SHANK1: variants seen among roughly 807,000 people sequenced by gnomAD.
SHANK1 encodes SH3 and multiple ankyrin repeat domains protein 1.
In SHANK1, 35 loss-of-function variants were observed where a neutral mutation model predicts 165.6. That is an observed-to-expected ratio of 0.21 (90% CI 0.16 to 0.28). SHANK1 has a LOEUF of 0.28. Among genes scored for constraint, SHANK1 ranks in the 10% least tolerant of loss-of-function variants. SHANK1 has a pLI of 1.00. For synonymous variants in SHANK1, 1,428 were observed against 1,384.8 expected, an observed-to-expected ratio of 1.03 and a Z score of -0.69; for missense variants, 2,681 against 3,036.4, an observed-to-expected ratio of 0.88 and a Z score of 2.75.
At chr19:50,687,444 G>C (rs1011227648) in intron 19 of SHANK1, 138 bp downstream of exon 19, 5 of 643,150 alleles carry the variant, frequency 7.8e-6, no homozygotes, top group Non-Finnish European at 1.3e-5. Context: ...ACACAGGCCA[G>C]AGTCCGACCC....
In SHANK1 at chr19:50,713,433, C is replaced by G. The variant is rs1005415381; in HGVS notation, c.792+365G>C. 2.0e-5 allele frequency among the ~76,000 whole-genome samples: 3 copies of G among 151,118 alleles called. No individual in the cohort carries two copies. Among genetic ancestry groups the G allele is most frequent in the Non-Finnish European group, 2.9e-5 (2 of 67,814 alleles). On this transcript the variant is annotated intron_variant, in intron 6 of 23. Transcript: ENST00000293441. This position sits in a 1 kb window ranked among gnomAD's most constrained non-coding sequence, Gnocchi z 6.2. ...TTTTCAGGGTGTGTGTGGAGGGGCT[C>G]TATCTGGGGGCATAGCAGGGAGCTC...
chr19:50,667,490 C>A lies in SHANK1; in HGVS notation c.4470G>T (p.Leu1490=). ...AAPEEPERLP[L]HVRFLENCQP... is the part of the protein sequence containing the mutation. ...GGCAGTTTTCAAGGAACCGCACGTG[C>A]AGCGGCAGCCGCTCGGGTTCTTCGG... The change falls in exon 23 of 24, where the codon CTG becomes CTT. Residue 1490 remains leucine, a synonymous_variant. Coordinates refer to ENST00000293441, the MANE Select transcript of SHANK1 (RefSeq NM_016148.5). The surrounding 1 kb of genome is among the most constrained non-coding windows in gnomAD (Gnocchi z 5.7). 6.5e-7 allele frequency: 1 copy of A among 1,527,542 alleles called. No homozygotes were observed. The highest frequency in any genetic ancestry group is 1.2e-5 in the South Asian group (1 of 81,646). The allele number at this position is 1,527,542 out of a possible 1,614,324, so 94.6% of individuals were successfully genotyped here.
At chr19:50,681,860 C>T (rs1258587630) in intron 21 of SHANK1, among the ~76,000 whole-genome samples, 1 of 152,144 alleles carries the variant, frequency 6.6e-6, no homozygotes, top group Admixed American at 6.5e-5. Flanking sequence ...CAGCTTTGAC[C>T]TCCCTTGCTC....
Position 50,662,796 on chromosome 19 carries a change from A to G in SHANK1, c.5769-114T>C. On this transcript the variant is annotated intron_variant, in intron 23 of 23. Transcript: ENST00000293441. This position sits in a 1 kb window ranked among gnomAD's most constrained non-coding sequence, Gnocchi z 7.7. ...GAGAGAGGAGGAGAGACATAAGGGT[A>G]GGGGGAGAGACGGAGGAGAGACGGG... 2.0e-6 allele frequency: 2 copies of G among 1,021,544 alleles called. No homozygotes were observed. The highest frequency in any genetic ancestry group is 2.9e-6 in the Non-Finnish European group (2 of 696,294). 63.3% of individuals were successfully genotyped at this position (1,021,544 alleles called of 1,614,324 possible).
Position 50,662,791 on chromosome 19 carries a change from A to C in SHANK1, c.5769-109T>G. 2.1e-5 allele frequency: 23 copies of C among 1,076,066 alleles called. No homozygotes were observed. Among genetic ancestry groups the C allele is most frequent in the Non-Finnish European group, 2.8e-5 (21 of 742,948 alleles). 66.7% of individuals were successfully genotyped at this position (1,076,066 alleles called of 1,614,324 possible). A position where few individuals can be genotyped will look rare whatever the true frequency, so the allele number is the denominator to read the frequency against. On this transcript the variant is annotated intron_variant, in intron 23 of 23. Coordinates refer to ENST00000293441, the MANE Select transcript of SHANK1 (RefSeq NM_016148.5). The surrounding 1 kb of genome is among the most constrained non-coding windows in gnomAD (Gnocchi z 7.7). The stretch of plus-strand genomic sequence containing the variant: ...ATAGGGAGAGAGGAGGAGAGACATA[A>C]GGGTAGGGGGAGAGACGGAGGAGAG...
intron 22 of SHANK1, 22 bp from the exon 23 acceptor site, chr19:50,669,307 A>AGGAGGGGG: frequency 6.4e-7 from 1 of 1,562,860 alleles, no homozygotes; most frequent in Non-Finnish European, 8.8e-7. Flanking sequence ...CAGAGGCTCA[A>AGGAGGGGG]GGAGGGGGAC....
At chr19:50,693,017 C>G (rs1986592518) in intron 15 of SHANK1, among the ~76,000 whole-genome samples, 1 of 151,714 alleles carries the variant, frequency 6.6e-6, no homozygotes, top group South Asian at 2.1e-4. Flanking sequence ...AGTAATCTCA[C>G]TGGCTCCCCT....
chr19:50,666,060 GC>G, intron 23 of SHANK1, 131 bp downstream of exon 23: 1 of 750,550 alleles, frequency 1.3e-6, no homozygotes, highest in Non-Finnish European at 2.0e-6. Context: ...ATTTGTGAAA[GC>G]ATGCTTCTGT....
chr19:50,704,033 C>T (rs985837048), intron 10 of SHANK1, 87 bp downstream of exon 10: 6 of 1,394,652 alleles, frequency 4.3e-6, no homozygotes, highest in Non-Finnish European at 6.1e-6. Context: ...TCCTGGCCCC[C>T]AAGTCAGGTC....
In SHANK1 at chr19:50,705,605, C is replaced by G. The variant is rs1018349461; in HGVS notation, c.1078-1091G>C. ...CCTGTGGGATGTTGAGTAGCATCCC[C>G]GGTCTCTACCACTAGATGCCAGTAG... is the stretch of plus-strand genomic sequence containing the variant. On this transcript the variant is annotated intron_variant, in intron 8 of 23. Coordinates refer to ENST00000293441, the MANE Select transcript of SHANK1 (RefSeq NM_016148.5). Among the ~76,000 whole-genome samples, 7 of 152,132 alleles carry G rather than the reference C, an allele frequency of 4.6e-5. No individual in the cohort carries two copies. In the South Asian group the frequency reaches 6.2e-4, roughly 14 times the overall value.
chr19:50,676,760 C>T (rs1385610394), intron 21 of SHANK1, among the ~76,000 whole-genome samples: 2 of 152,108 alleles, frequency 1.3e-5, no homozygotes, highest in Non-Finnish European at 2.9e-5. Context: ...AAGAAAATGC[C>T]AATCTTATTT....
intron 9 of SHANK1, 104 bp from the exon 10 acceptor site, chr19:50,704,290 G>GACAATGCCGCC: frequency 8.9e-6 from 12 of 1,341,538 alleles, no homozygotes; most frequent in Non-Finnish European, 1.3e-5. Context: ...CTTCCACTCC[G>GACAATGCCGCC]ACAATGCCGC....
chr19:50,678,429 G>A (rs974159907), intron 21 of SHANK1, among the ~76,000 whole-genome samples: 2 of 151,852 alleles, frequency 1.3e-5, no homozygotes, highest in Non-Finnish European at 2.9e-5. Flanking sequence ...AGGTGGTGGG[G>A]GCCAGAGGGA....
chr19:50,682,381 G>T (rs1257267404), intron 21 of SHANK1, among the ~76,000 whole-genome samples: 1 of 152,054 alleles, frequency 6.6e-6, no homozygotes, highest in Non-Finnish European at 1.5e-5. Flanking sequence ...TATCCTGAGG[G>T]GTTTACCTTC....
intron 21 of SHANK1, among the ~76,000 whole-genome samples, chr19:50,677,460 G>A (rs535906521): frequency 6.6e-6 from 1 of 152,146 alleles, no homozygotes; most frequent in South Asian, 2.1e-4. Context: ...AGAGATAAAA[G>A]CATTTTTCTT....
rs546403026 is a variant in SHANK1 at position 50,702,749 on chromosome 19, C to T, written c.1554-89G>A. On this transcript the variant is annotated intron_variant, in intron 11 of 23. Coordinates refer to ENST00000293441, the MANE Select transcript of SHANK1 (RefSeq NM_016148.5). The surrounding 1 kb of genome is among the most constrained non-coding windows in gnomAD (Gnocchi z 5.3). ...GGGGTCCTTGGGTGGGGGAAGAGGA[C>T]GGTGCATCAGGGGGGAGGGGGGGTT... The T allele has an allele frequency of 4.9e-4, 337 of 687,046 alleles. No individual in the cohort carries two copies. In the African/African-American group the frequency reaches 5.1e-3, roughly 10 times the overall value. The allele number at this position is 687,046 out of a possible 1,614,324, so 42.6% of individuals were successfully genotyped here.
chr19:50,685,668 G>A (rs1986309131), intron 21 of SHANK1, among the ~76,000 whole-genome samples: 1 of 152,270 alleles, frequency 6.6e-6, no homozygotes, highest in Admixed American at 6.5e-5. Context: ...AGGTTGCAGT[G>A]AGCCAAGCTT....
At position 50,708,533 on chromosome 19, in the gene SHANK1, G is replaced by C. The variant is rs141586420; in HGVS notation, c.1077+2838C>G. ...CCTCCCCAGGCCAGATGCTGTGTCT[G>C]ATTCATCTCACATCCCCAAGGCCTG... On this transcript the variant is annotated intron_variant, in intron 8 of 23. Coordinates refer to ENST00000293441, the MANE Select transcript of SHANK1 (RefSeq NM_016148.5). Among the ~76,000 whole-genome samples the C allele has an allele frequency of 3.6e-4, 48 of 133,808 alleles. No homozygotes were observed. The East Asian group carries it at 9.7e-3, about 27-fold the overall frequency. 87.8% of individuals were successfully genotyped at this position (133,808 alleles called of 152,430 possible).
At position 50,717,057 on chromosome 19, in the gene SHANK1, C is replaced by T; in HGVS notation, c.-43-95G>A. The T allele has an allele frequency of 1.1e-5, 11 of 1,026,506 alleles. No homozygotes were observed. The highest frequency in any genetic ancestry group is 1.4e-5 in the Non-Finnish European group (11 of 766,842). 63.6% of individuals were successfully genotyped at this position (1,026,506 alleles called of 1,614,324 possible). A position where few individuals can be genotyped will look rare whatever the true frequency, so the allele number is the denominator to read the frequency against. On this transcript the variant is annotated intron_variant, in intron 1 of 23. Transcript: ENST00000293441. This position sits in a 1 kb window ranked among gnomAD's most constrained non-coding sequence, Gnocchi z 5.5. ...TGGTCAAGCGGTCAAGGGCAGCCTA[C>T]CCCCACTGCCCAAGATAGGCAGGAA... is the stretch of plus-strand genomic sequence containing the variant.
Sources: allele counts gnomAD v4.1 joint callset (sites outside exome capture counted in the v4.1 genomes callset), GRCh38; gene constraint gnomAD v4.1.1; non-coding constraint Gnocchi (gnomAD v3.1); transcripts MANE v1.5; gene names NCBI Gene and HGNC (gene_info 2026-07-23, HGNC 2026-07-21).